The following APBB2 variants were observed in gnomAD, a reference collection of about 807,000 sequenced individuals.
The protein encoded by APBB2 is amyloid beta precursor protein binding family B member 2.
A neutral mutation model predicts 82.5 loss-of-function variants in APBB2; 38 were observed. The ratio of observed to expected loss-of-function variants is 0.46; its 90% CI spans 0.36 to 0.60. APBB2 has a LOEUF of 0.60. Ranked by LOEUF, APBB2 falls within the 20% of genes least tolerant of loss-of-function variation. The pLI is 0.00. For missense variants in APBB2, 772 were observed against 972.3 expected (o/e 0.79, Z 2.74); for synonymous variants, 341 against 368.2 (o/e 0.93, Z 0.85).
intron 6 of APBB2, among the ~76,000 whole-genome samples, chr4:40,978,781 T>TAAA (rs1797791382): frequency 6.6e-6 from 1 of 152,142 alleles, no homozygotes; most frequent in South Asian, 2.1e-4. Context: ...AAGCTCATTT[T>TAAA]CTCCAAGATT....
chr4:41,042,877 T>C (rs1722049970), intron 4 of APBB2, among the ~76,000 whole-genome samples: 1 of 152,208 alleles, frequency 6.6e-6, no homozygotes, highest in Non-Finnish European at 1.5e-5. Flanking sequence ...TGCTTCATTA[T>C]GCAGCATTAA....
intron 10 of APBB2, among the ~76,000 whole-genome samples, chr4:40,920,190 TAGTG>T (rs890070386): frequency 8.5e-5 from 13 of 152,266 alleles, no homozygotes; most frequent in Middle Eastern, 3.4e-3. Flanking sequence ...GTTCTCATGA[TAGTG>T]AGTAAGTTTC....
chr4:40,859,442 T>C (rs1762231605), intron 12 of APBB2, among the ~76,000 whole-genome samples: 1 of 152,096 alleles, frequency 6.6e-6, no homozygotes, highest in African/African-American at 2.4e-5. Context: ...TGGCCTCAAG[T>C]AATCTGCCCA....
In APBB2 at chr4:40,813,701, T is replaced by G. The variant is rs1021978367; in HGVS notation, c.*2391A>C. 6.6e-6 allele frequency: 1 copy of G among 152,198 alleles called. No homozygotes were observed. The highest frequency in any genetic ancestry group is 2.4e-5 in the African/African-American group (1 of 41,444). 9.4% of individuals were successfully genotyped at this position (152,198 alleles called of 1,614,324 possible). On this transcript the variant is annotated 3_prime_UTR_variant, in exon 18 of 18. Transcript: ENST00000508593. ...AAAGCTAGCTCAGAATTCTTGATCT[T>G]GAAAACAAGCAAATGTATGCCTTAA...
At chr4:40,945,145 AGGT>A in intron 6 of APBB2, 72 bp from the exon 7 acceptor site, 1 of 1,185,050 alleles carries the variant, frequency 8.4e-7, no homozygotes, top group Non-Finnish European at 1.2e-6. Flanking sequence ...ACTATTCGTC[AGGT>A]GAACCCCAAA....
intron 5 of APBB2, among the ~76,000 whole-genome samples, chr4:41,026,096 G>GA (rs1469758913): frequency 6.6e-6 from 1 of 152,128 alleles, no homozygotes; most frequent in Non-Finnish European, 1.5e-5. Context: ...TGCAGGAACA[G>GA]AAAACCAAGT....
intron 6 of APBB2, among the ~76,000 whole-genome samples, chr4:40,946,759 G>C (rs1031609039): frequency 6.6e-6 from 1 of 152,152 alleles, no homozygotes; most frequent in Non-Finnish European, 1.5e-5. Flanking sequence ...TGTTTCCTAT[G>C]TGGCCATACA....
At chr4:40,873,424 CA>C (rs1260428902) in intron 12 of APBB2, among the ~76,000 whole-genome samples, 1 of 152,166 alleles carries the variant, frequency 6.6e-6, no homozygotes, top group East Asian at 1.9e-4. Context: ...ATAACTTCTA[CA>C]GCTTCTCTTA....
intron 6 of APBB2, among the ~76,000 whole-genome samples, chr4:41,001,746 T>A (rs1394334342): frequency 6.6e-6 from 1 of 151,830 alleles, no homozygotes; most frequent in African/African-American, 2.4e-5. Context: ...GGCATGGTGG[T>A]ATGTGCCTGT....
intron 10 of APBB2, among the ~76,000 whole-genome samples, chr4:40,897,110 G>A (rs185469025): frequency 6.6e-6 from 1 of 152,202 alleles, no homozygotes; most frequent in Non-Finnish European, 1.5e-5. Flanking sequence ...TGGAATCCAA[G>A]ATGACAAATA....
At chr4:40,931,955 C>T (rs6820266) in intron 10 of APBB2, among the ~76,000 whole-genome samples, 2,565 of 152,252 alleles carry the variant, frequency 0.017, 68 homozygotes, top group African/African-American at 0.059. Flanking sequence ...AGCTTCCTTA[C>T]TAACGTGAAC....
At chr4:41,078,378 A>T (rs1026304096) in intron 3 of APBB2, among the ~76,000 whole-genome samples, 2 of 152,234 alleles carry the variant, frequency 1.3e-5, no homozygotes, top group African/African-American at 4.8e-5. Flanking sequence ...AATTGCAATT[A>T]AAAAATCAAC....
At chr4:41,209,314 T>C (rs1264603583) in intron 1 of APBB2, among the ~76,000 whole-genome samples, 1 of 152,104 alleles carries the variant, frequency 6.6e-6, no homozygotes, top group Non-Finnish European at 1.5e-5. Context: ...TTTCCTTTGC[T>C]CTCTGCCCCA....
chr4:40,880,704 T>A lies in APBB2; in HGVS notation c.1529+9660A>T, dbSNP rs1768221309. 3.0e-6 allele frequency: 3 copies of A among 985,274 alleles called. No homozygotes were observed. In the South Asian group the frequency reaches 1.4e-4, roughly 46 times the overall value. The allele number at this position is 985,274 out of a possible 1,614,324, so 61.0% of individuals were successfully genotyped here. A position where few individuals can be genotyped will look rare whatever the true frequency, so the allele number is the denominator to read the frequency against. ...CTCGCTCTGCATCCAGAAAGGCCCA[T>A]CCTTTGTCTGGCTCAGGACTCAGGG... On this transcript the variant is annotated intron_variant, in intron 12 of 17. Transcript: ENST00000508593.
chr4:41,134,131 TG>T (rs1756870266), intron 2 of APBB2, among the ~76,000 whole-genome samples: 1 of 152,090 alleles, frequency 6.6e-6, no homozygotes, highest in African/African-American at 2.4e-5. Flanking sequence ...CCACCATACC[TG>T]GCTAATTTTT....
At chr4:40,873,884 G>A (rs1766183293) in intron 12 of APBB2, among the ~76,000 whole-genome samples, 1 of 152,168 alleles carries the variant, frequency 6.6e-6, no homozygotes, top group African/African-American at 2.4e-5. Flanking sequence ...GAATAATAGA[G>A]AAGTCAGAGA....
intron 6 of APBB2, among the ~76,000 whole-genome samples, chr4:40,985,066 C>A (rs964514280): frequency 5.3e-5 from 8 of 151,902 alleles, no homozygotes; most frequent in Non-Finnish European, 1.0e-4. Context: ...AACTACAAGG[C>A]ACCACCACAC....
At chr4:40,881,972 C>A (rs1313552053) in intron 12 of APBB2, among the ~76,000 whole-genome samples, 1 of 151,728 alleles carries the variant, frequency 6.6e-6, no homozygotes, top group African/African-American at 2.4e-5. Flanking sequence ...CAAAGAAGAG[C>A]CACACTGGCT....
chr4:40,953,330 T>C lies in APBB2; in HGVS notation c.836-8257A>G, dbSNP rs1471532043. ...AAAAAAAAAGGATTCTACAGAGACC[T>C]GAGAAAAACCCAGATGGACAGCATT... On this transcript the variant is annotated intron_variant, in intron 6 of 17. Coordinates refer to ENST00000508593, the MANE Select transcript of APBB2 (RefSeq NM_004307.2). 2.8e-5 allele frequency among the ~76,000 whole-genome samples: 4 copies of C among 143,136 alleles called. No individual in the cohort carries two copies. The East Asian group carries it at 8.1e-4, about 29-fold the overall frequency. The allele number at this position is 143,136 out of a possible 152,430, so 93.9% of individuals were successfully genotyped here.
Sources: allele counts gnomAD v4.1 joint callset (sites outside exome capture counted in the v4.1 genomes callset), GRCh38; gene constraint gnomAD v4.1.1; transcripts MANE v1.5; gene names NCBI Gene and HGNC (gene_info 2026-07-23, HGNC 2026-07-21).